The following TAFA1 variants were observed in gnomAD, a reference collection of about 807,000 sequenced individuals.
TAFA1 encodes the protein TAFA chemokine like family member 1.
In TAFA1, 4 loss-of-function variants were observed where a neutral mutation model predicts 18.5. That is an observed-to-expected ratio of 0.22 (90% CI 0.11 to 0.49). The LOEUF is 0.49. TAFA1 is among the 20% of genes least tolerant of loss of function. The pLI, the probability that TAFA1 is intolerant of heterozygous loss-of-function variation, is 0.98. For synonymous variants in TAFA1, 56 were observed against 55.2 expected (o/e 1.01, Z -0.06); for missense variants, 147 against 169.0 (o/e 0.87, Z 0.72).
At chr3:68,188,292 AC>A (rs2066293998) in intron 2 of TAFA1, among the ~76,000 whole-genome samples, 1 of 151,834 alleles carries the variant, frequency 6.6e-6, no homozygotes, top group Non-Finnish European at 1.5e-5. Context: ...GGTTGATTCC[AC>A]CACATCACTT....
At chr3:68,018,866 G>A (rs531498089) in intron 2 of TAFA1, among the ~76,000 whole-genome samples, 4 of 152,232 alleles carry the variant, frequency 2.6e-5, no homozygotes, top group Admixed American at 6.5e-5. Flanking sequence ...ATAATGGCTC[G>A]GTTTACTGAG....
intron 2 of TAFA1, among the ~76,000 whole-genome samples, chr3:68,093,832 C>T (rs2065056192): frequency 6.6e-6 from 1 of 152,004 alleles, no homozygotes; most frequent in Non-Finnish European, 1.5e-5. Context: ...TTCTCTGTTT[C>T]CCCCTTAAAT....
chr3:68,521,980 CA>C (rs2073034339), intron 3 of TAFA1, among the ~76,000 whole-genome samples: 1 of 143,282 alleles, frequency 7.0e-6, no homozygotes, highest in South Asian at 2.3e-4. Flanking sequence ...TGAGTAGCAA[CA>C]ACAGGAGCAC....
At chr3:68,304,737 A>G (rs1575762325) in intron 2 of TAFA1, among the ~76,000 whole-genome samples, 1 of 152,206 alleles carries the variant, frequency 6.6e-6, no homozygotes, top group Non-Finnish European at 1.5e-5. Flanking sequence ...AAATAAGCAA[A>G]TAAAATTCTT....
At chr3:68,224,772 TAGTC>T (rs1261745863) in intron 2 of TAFA1, among the ~76,000 whole-genome samples, 1 of 151,874 alleles carries the variant, frequency 6.6e-6, no homozygotes, top group African/African-American at 2.4e-5. Context: ...CTCATATAAA[TAGTC>T]AATAAGAGCA....
At chr3:68,428,556 G>C (rs1448501743) in intron 3 of TAFA1, among the ~76,000 whole-genome samples, 2 of 151,962 alleles carry the variant, frequency 1.3e-5, no homozygotes, top group Admixed American at 1.3e-4. Context: ...CACCAACTCT[G>C]TAAGAACAGA....
At chr3:68,469,065 C>T (rs535121108) in intron 3 of TAFA1, among the ~76,000 whole-genome samples, 1 of 152,206 alleles carries the variant, frequency 6.6e-6, no homozygotes, top group African/African-American at 2.4e-5. Context: ...TTGTTAGGAT[C>T]AGTGCTGGCA....
At chr3:68,173,892 G>A (rs2066090583) in intron 2 of TAFA1, among the ~76,000 whole-genome samples, 1 of 39,150 alleles carries the variant, frequency 2.6e-5, no homozygotes, top group Admixed American at 3.9e-4. Context: ...CAGGGTTATA[G>A]GATATTTAAT....
chr3:68,350,435 T>A (rs1346531478), intron 2 of TAFA1, among the ~76,000 whole-genome samples: 1 of 152,134 alleles, frequency 6.6e-6, no homozygotes, highest in Admixed American at 6.6e-5. Context: ...CTTTTTGCAG[T>A]AGAATCATGA....
chr3:68,276,104 A>C (rs2067791096), intron 2 of TAFA1, among the ~76,000 whole-genome samples: 1 of 152,114 alleles, frequency 6.6e-6, no homozygotes, highest in Non-Finnish European at 1.5e-5. Context: ...ACTAGAAAAA[A>C]ACAATTTAAA....
chr3:68,176,476 C>T (rs1210719226), intron 2 of TAFA1, among the ~76,000 whole-genome samples: 1 of 152,114 alleles, frequency 6.6e-6, no homozygotes, highest in Non-Finnish European at 1.5e-5. Context: ...AGTGAGACTC[C>T]ACCAAGTAAA....
rs557500518 is a variant in TAFA1 at position 68,152,089 on chromosome 3, A to G, written c.118+145345A>G. On this transcript the variant is annotated intron_variant, in intron 2 of 4. Transcript: ENST00000478136. ...AGGGAGTTGAGGGACACAAAGATTA[A>G]GAAATTTGCCCAAAGAATAATTTTG... Among the ~76,000 whole-genome samples, 197 of 152,296 alleles carry G rather than the reference A, an allele frequency of 1.3e-3. 1 individual carries two copies. Among genetic ancestry groups the G allele is most frequent in the African/African-American group, 4.6e-3 (193 of 41,568 alleles).
chr3:68,538,871 G>T lies in TAFA1; in HGVS notation c.375G>T (p.Lys125Asn). 1 of 1,613,440 alleles carries T rather than the reference G, an allele frequency of 6.2e-7. No individual in the cohort carries two copies. Among genetic ancestry groups the T allele is most frequent in the South Asian group, 1.1e-5 (1 of 91,056 alleles). ...GWMCATGNKI[K>N]TTRIHPRT ...TGTGCGCAACAGGCAACAAAATTAA[G>T]ACCACGAGAGTAAGTGCACTTATTT... The change falls in exon 4 of 5, where the codon AAG (lysine) becomes AAT (asparagine). Residue 125 changes from lysine to asparagine, a missense_variant. Physicochemically the swap from Lys to Asn is moderately conservative, Grantham distance 94 (BLOSUM62 0). Coordinates refer to ENST00000478136, the MANE Select transcript of TAFA1 (RefSeq NM_213609.4).
At chr3:68,197,889 G>C (rs1012569645) in intron 2 of TAFA1, among the ~76,000 whole-genome samples, 1 of 151,650 alleles carries the variant, frequency 6.6e-6, no homozygotes, top group South Asian at 2.1e-4. Context: ...TCTAAGACTT[G>C]AATTGTATGT....
At chr3:68,128,344 A>G (rs571969631) in intron 2 of TAFA1, among the ~76,000 whole-genome samples, 2 of 152,310 alleles carry the variant, frequency 1.3e-5, no homozygotes, top group South Asian at 4.1e-4. Context: ...TGTGATAAAT[A>G]GGAAATTGTT....
In TAFA1 at chr3:68,125,866, A is replaced by G. The variant is rs563384094; in HGVS notation, c.118+119122A>G. Among the ~76,000 whole-genome samples, 23 of 152,172 alleles carry G rather than the reference A, an allele frequency of 1.5e-4. No homozygotes were observed. The South Asian group carries it at 3.3e-3, about 22-fold the overall frequency. ...TAGCCTGTGTGTAAGGGCAGCCCCA[A>G]TGCAACCTTCACCAATGGAGATAAA... On this transcript the variant is annotated intron_variant, in intron 2 of 4. Coordinates refer to ENST00000478136, the MANE Select transcript of TAFA1 (RefSeq NM_213609.4).
chr3:68,495,022 G>T (rs528817798), intron 3 of TAFA1, among the ~76,000 whole-genome samples: 2 of 152,200 alleles, frequency 1.3e-5, no homozygotes, highest in Admixed American at 6.5e-5. Flanking sequence ...GAAAAGAAAA[G>T]AAAAGAAAAC....
intron 2 of TAFA1, among the ~76,000 whole-genome samples, chr3:68,171,691 G>T (rs997821074): frequency 6.6e-6 from 1 of 152,072 alleles, no homozygotes; most frequent in Non-Finnish European, 1.5e-5. Context: ...TACCTCTAAA[G>T]AATTGTGGAG....
At chr3:68,452,519 T>C (rs1373645222) in intron 3 of TAFA1, among the ~76,000 whole-genome samples, 2 of 68,276 alleles carry the variant, frequency 2.9e-5, no homozygotes, top group Admixed American at 1.6e-4. Context: ...CAAAACTCTC[T>C]CTCAAAAAAA....
Sources: gnomAD v4.1 joint callset for allele counts (sites outside exome capture counted in the v4.1 genomes callset) on GRCh38, gnomAD v4.1.1 for gene constraint, MANE v1.5 for transcripts, NCBI Gene and HGNC (gene_info 2026-07-23, HGNC 2026-07-21) for gene names.